STT3A: variants seen among roughly 807,000 people sequenced by gnomAD.
STT3A encodes the protein dolichyl-diphosphooligosaccharide--protein glycosyltransferase subunit STT3A.
STT3A carries 34 observed loss-of-function variants against 89.2 expected under a neutral mutation model. That is an observed-to-expected ratio of 0.38 (90% CI 0.29 to 0.51). The LOEUF (loss-of-function observed/expected upper bound fraction) is 0.51, where lower values mean the gene tolerates loss of function less well. Ranked by LOEUF, STT3A falls within the 20% of genes least tolerant of loss-of-function variation. The pLI, the probability that STT3A is intolerant of heterozygous loss-of-function variation, is 0.89. For synonymous variants in STT3A, 282 were observed against 310.3 expected (o/e 0.91, Z 0.96); for missense variants, 555 against 889.5 (o/e 0.62, Z 4.78).
intron 7 of STT3A, 49 bp from the exon 8 acceptor site, chr11:125,606,252 G>A (rs1347128847): frequency 1.3e-6 from 2 of 1,516,442 alleles, no homozygotes; most frequent in Non-Finnish European, 1.8e-6. Flanking sequence ...AGTGGTGGTG[G>A]TCTGAGGAGG....
chr11:125,618,657 G>T, intron 16 of STT3A, 96 bp downstream of exon 16: 1 of 1,224,184 alleles, frequency 8.2e-7, no homozygotes, highest in Non-Finnish European at 1.1e-6. Flanking sequence ...AGTGCTTTGT[G>T]TCTGTTAACT....
At position 125,602,391 on chromosome 11, in the gene STT3A, T is replaced by G. The variant is rs752024843; in HGVS notation, c.238T>G (p.Leu80Val). 2.5e-6 allele frequency: 4 copies of G among 1,613,240 alleles called. No homozygotes were observed. The highest frequency in any genetic ancestry group is 2.5e-6 in the Non-Finnish European group (3 of 1,179,674). ...GTTTGATGACCGAGCCTGGTACCCT[T>G]TGGGACGAATCATTGGAGGAACAAT... ...NWFDDRAWYP[L>V]GRIIGGTIYP... is the part of the protein sequence containing the mutation. Residue 80 changes from leucine to valine, a missense_variant, in exon 4 of 18, where the codon TTG (leucine) becomes GTG (valine). This residue lies in a region of STT3A where 129 missense variants were observed against 193.2 expected (regional missense o/e 0.67). Coordinates refer to ENST00000392708, the MANE Select transcript of STT3A (RefSeq NM_152713.5).
rs1940365369 is a variant in STT3A, at chr11:125,622,129, T to C, written c.*1319T>C. ...ATATATCACTGATGTATATAAACCC[T>C]AAGGCGTTAATAAAAGCTAACTGTT... is the stretch of plus-strand genomic sequence containing the variant. On this transcript the variant is annotated 3_prime_UTR_variant, in exon 18 of 18. Transcript: ENST00000392708. 6.6e-6 allele frequency: 1 copy of C among 152,212 alleles called. No homozygotes were observed. The highest frequency in any genetic ancestry group is 1.5e-5 in the Non-Finnish European group (1 of 68,046). 9.4% of individuals were successfully genotyped at this position (152,212 alleles called of 1,614,324 possible).
upstream of STT3A, chr11:125,592,740 C>T (rs11220140): frequency 0.06 from 17,800 of 297,830 alleles, 688 homozygotes; most frequent in Middle Eastern, 0.097. Flanking sequence ...GCCCGGTTTA[C>T]GCCTCCGGAT....
intron 8 of STT3A, among the ~76,000 whole-genome samples, chr11:125,606,702 G>T (rs1939850990): frequency 6.6e-6 from 1 of 152,180 alleles, no homozygotes; most frequent in Non-Finnish European, 1.5e-5. Flanking sequence ...CTTTAAGTTT[G>T]TGGGAAGGGG....
chr11:125,621,904 G>T lies in STT3A; in HGVS notation c.*1094G>T, dbSNP rs1940359651. On this transcript the variant is annotated 3_prime_UTR_variant, in exon 18 of 18. Transcript: ENST00000392708. ...ATAAAAATTAGCCAGGTATGGTGGT[G>T]TACACCTGTAGTCCCAGCTACTCGG... 6.6e-6 allele frequency: 1 copy of T among 152,180 alleles called. No homozygotes were observed. The highest frequency in any genetic ancestry group is 1.5e-5 in the Non-Finnish European group (1 of 68,026). The allele number at this position is 152,180 out of a possible 1,614,324, so 9.4% of individuals were successfully genotyped here. A position where few individuals can be genotyped will look rare whatever the true frequency, so the allele number is the denominator to read the frequency against.
chr11:125,611,582 C>A, intron 11 of STT3A, 63 bp downstream of exon 11: 1 of 1,455,590 alleles, frequency 6.9e-7, no homozygotes, highest in South Asian at 1.2e-5. Context: ...TTTTATCTGT[C>A]TGGCAGAATT....
rs779863850 is a variant in STT3A, at chr11:125,618,382, A to G, written c.1784A>G (p.Lys595Arg). ...LTGYSSDDIN[K>R]FLWMVRIGGS... ...TTTTTTTTTCTCCTAGATATCAACA[A>G]GTTTCTTTGGATGGTCCGGATTGGA... is the stretch of plus-strand genomic sequence containing the variant. The change falls in exon 16 of 18, where the codon AAG (lysine) becomes AGG (arginine). Residue 595 changes from lysine (K) to arginine (R), a missense_variant. Around this residue, in one of 5 missense-constraint regions of STT3A, gnomAD observed 273 missense variants for 449.8 expected, o/e 0.61. Coordinates refer to ENST00000392708, the MANE Select transcript of STT3A (RefSeq NM_152713.5). 2 of 1,590,528 alleles carry G rather than the reference A, an allele frequency of 1.3e-6. No individual in the cohort carries two copies. Among genetic ancestry groups the G allele is most frequent in the Admixed American group, 3.7e-5 (2 of 54,068 alleles).
chr11:125,615,040 C>T (rs976577387), intron 15 of STT3A, among the ~76,000 whole-genome samples: 2 of 152,046 alleles, frequency 1.3e-5, no homozygotes, highest in African/African-American at 4.8e-5. Flanking sequence ...CTTTGGGAGG[C>T]CAAGGCGGGC....
At chr11:125,609,969 C>T (rs1434001250) in intron 10 of STT3A, 1 of 167,324 alleles carries the variant, frequency 6.0e-6, no homozygotes, top group Non-Finnish European at 1.3e-5. Flanking sequence ...TGTAAAGCCT[C>T]ATCAATCTCT....
chr11:125,596,114 AT>A, intron 2 of STT3A, 111 bp downstream of exon 2: 1 of 839,416 alleles, frequency 1.2e-6, no homozygotes, highest in Non-Finnish European at 1.9e-6. Flanking sequence ...AGATTGTTAC[AT>A]TTTTCCATTC....
chr11:125,609,707 C>T, intron 10 of STT3A, 118 bp downstream of exon 10: 1 of 1,310,850 alleles, frequency 7.6e-7, no homozygotes, highest in Non-Finnish European at 1.0e-6. Flanking sequence ...TTGTGTAATA[C>T]AGAGGACGGC....
chr11:125,593,565 A>G (rs567891628), intron 1 of STT3A: 1 of 152,340 alleles, frequency 6.6e-6, no homozygotes, highest in East Asian at 1.9e-4. Context: ...GTTTTCAAGT[A>G]GAGATCCTAG....
intron 3 of STT3A, among the ~76,000 whole-genome samples, chr11:125,597,554 G>C (rs1939533543): frequency 6.6e-6 from 1 of 152,192 alleles, no homozygotes; most frequent in East Asian, 1.9e-4. Flanking sequence ...TGGCTGCCCA[G>C]TTTGGTAAAA....
At position 125,602,930 on chromosome 11, in the gene STT3A, C is replaced by T. The variant is rs1369374335; in HGVS notation, c.399C>T (p.His133=). The part of the protein sequence containing the change: ...FSSFTTIVTY[H]LTKELKDAGA... ...CCTTCACCACCATCGTCACGTACCA[C>T]CTTACCAAAGAGCTCAAGGTGAAGG... The change falls in exon 5 of 18, where the codon CAC becomes CAT. Residue 133 remains histidine, a synonymous_variant. Transcript: ENST00000392708. The T allele has an allele frequency of 6.2e-7, 1 of 1,613,958 alleles. No individual in the cohort carries two copies. The highest frequency in any genetic ancestry group is 1.3e-5 in the African/African-American group (1 of 74,886).
At position 125,602,423 on chromosome 11, in the gene STT3A, A is replaced by G; in HGVS notation, c.270A>G (p.Pro90=). 3.1e-6 allele frequency: 5 copies of G among 1,592,944 alleles called. No homozygotes were observed. The highest frequency in any genetic ancestry group is 4.3e-6 in the Non-Finnish European group (5 of 1,173,608). ...LGRIIGGTIY[P]GLMITSAAIY... ...GAATCATTGGAGGAACAATTTACCC[A>G]GGTGAGGAGACCAGATGTGTTTTTT... The change falls in exon 4 of 18, where the codon CCA becomes CCG. Residue 90 remains proline (P), a splice_region_variant and synonymous_variant. Coordinates refer to ENST00000392708, the MANE Select transcript of STT3A (RefSeq NM_152713.5).
chr11:125,601,642 G>A (rs1939683185), intron 3 of STT3A, among the ~76,000 whole-genome samples: 1 of 151,706 alleles, frequency 6.6e-6, no homozygotes, highest in Non-Finnish European at 1.5e-5. Flanking sequence ...AAATAAATAA[G>A]AAAGCCAAAA....
In STT3A at chr11:125,614,077, C is replaced by G; in HGVS notation, c.1555-10C>G. On this transcript the variant is annotated splice_polypyrimidine_tract_variant and intron_variant, in intron 13 of 17. Coordinates refer to ENST00000392708, the MANE Select transcript of STT3A (RefSeq NM_152713.5). The surrounding 1 kb of genome is among the most constrained non-coding windows in gnomAD (Gnocchi z 4.9). ...AAGCTTGTTATTTCCATTTCCCATT[C>G]TACTTTCAGGATGCGAAGGTCATGT... 6.2e-7 allele frequency: 1 copy of G among 1,611,248 alleles called. No individual in the cohort carries two copies. Among genetic ancestry groups the G allele is most frequent in the Non-Finnish European group, 8.5e-7 (1 of 1,177,718 alleles).
intron 15 of STT3A, among the ~76,000 whole-genome samples, chr11:125,616,986 T>G (rs1940198763): frequency 6.6e-6 from 1 of 152,144 alleles, no homozygotes; most frequent in Admixed American, 6.6e-5. Flanking sequence ...CCATTCCTAT[T>G]ATTTTCACTC....
Sources: allele counts gnomAD v4.1 joint callset (sites outside exome capture counted in the v4.1 genomes callset), GRCh38; gene constraint gnomAD v4.1.1; regional missense constraint gnomAD v4.1.1; non-coding constraint Gnocchi (gnomAD v3.1); transcripts MANE v1.5; gene names NCBI Gene and HGNC (gene_info 2026-07-23, HGNC 2026-07-21).